Variants in LRIG1 observed in about 807,000 individuals in gnomAD.
LRIG1 encodes leucine-rich repeats and immunoglobulin-like domains protein 1.
A neutral mutation model predicts 99.2 loss-of-function variants in LRIG1; 48 were observed. The ratio of observed to expected loss-of-function variants is 0.48; its 90% CI spans 0.38 to 0.62. The LOEUF (loss-of-function observed/expected upper bound fraction) is 0.62, where lower values mean the gene tolerates loss of function less well. Ranked by LOEUF, LRIG1 falls within the 20% of genes least tolerant of loss-of-function variation. LRIG1 has a pLI of 0.00. For synonymous variants in LRIG1, 772 were observed against 596.1 expected (o/e 1.29, Z -4.30); for missense variants, 1,646 against 1,434.4 (o/e 1.15, Z -2.38).
intron 3 of LRIG1, among the ~76,000 whole-genome samples, chr3:66,445,357 C>G (rs112636033): frequency 1.3e-5 from 2 of 151,846 alleles, no homozygotes; most frequent in Non-Finnish European, 2.9e-5. Flanking sequence ...GGTTGCTACG[C>G]GGGGGAAGCC....
intron 5 of LRIG1, among the ~76,000 whole-genome samples, chr3:66,414,360 G>A (rs903242346): frequency 2.0e-5 from 3 of 151,814 alleles, no homozygotes. Context: ...TCACACCACT[G>A]CACCCCACCT....
intron 3 of LRIG1, among the ~76,000 whole-genome samples, chr3:66,448,514 G>A (rs746278367): frequency 2.6e-5 from 4 of 151,624 alleles, no homozygotes; most frequent in Non-Finnish European, 5.9e-5. Context: ...CTCAACTTTC[G>A]GGTCACAAAG....
chr3:66,484,044 T>C (rs891927737), intron 1 of LRIG1, among the ~76,000 whole-genome samples: 1 of 152,284 alleles, frequency 6.6e-6, no homozygotes, highest in East Asian at 1.9e-4. Context: ...CAGCCTGTCA[T>C]CTTTTCAACT....
At chr3:66,478,684 C>T (rs1165855519) in intron 1 of LRIG1, among the ~76,000 whole-genome samples, 1 of 152,126 alleles carries the variant, frequency 6.6e-6, no homozygotes. Flanking sequence ...CAGTTCAGCC[C>T]GCTGACCATC....
chr3:66,412,581 A>AG (rs1320721832), intron 6 of LRIG1, among the ~76,000 whole-genome samples: 4 of 152,224 alleles, frequency 2.6e-5, no homozygotes, highest in African/African-American at 9.6e-5. Context: ...TGCAAAGGGA[A>AG]GGGGGCTGGG....
chr3:66,472,595 T>C (rs1167357482), intron 1 of LRIG1, among the ~76,000 whole-genome samples: 3 of 152,148 alleles, frequency 2.0e-5, no homozygotes, highest in African/African-American at 4.8e-5. Flanking sequence ...CACAGGCCCA[T>C]AAAATTGCTC....
At chr3:66,459,188 G>A (rs887354535) in intron 2 of LRIG1, among the ~76,000 whole-genome samples, 1 of 152,178 alleles carries the variant, frequency 6.6e-6, no homozygotes, top group African/African-American at 2.4e-5. Flanking sequence ...AAAGGTGGGA[G>A]TGCTCAGTTC....
chr3:66,385,966 A>G lies in LRIG1; in HGVS notation c.1789+15T>C, dbSNP rs1701352106. 1 of 1,607,400 alleles carries G rather than the reference A, an allele frequency of 6.2e-7. No homozygotes were observed. The highest frequency in any genetic ancestry group is 1.3e-5 in the African/African-American group (1 of 74,788). ...GTAGGATTCTGGTACTATAACAAAGATGGTGTTTCCATACCATTCACGGTG... is the reference window on the plus strand; with the variant it reads ...GTAGGATTCTGGTACTATAACAAAGGTGGTGTTTCCATACCATTCACGGTG... On this transcript the variant is annotated intron_variant, in intron 13 of 18. Transcript: ENST00000273261.
chr3:66,451,358 G>A (rs564300039), intron 3 of LRIG1, among the ~76,000 whole-genome samples: 1 of 151,652 alleles, frequency 6.6e-6, no homozygotes, highest in African/African-American at 2.4e-5. Flanking sequence ...TAAAGATGAG[G>A]TAAAACTTCC....
intron 1 of LRIG1, among the ~76,000 whole-genome samples, chr3:66,493,935 AAAAAG>A (rs1701167643): frequency 6.6e-6 from 1 of 151,396 alleles, no homozygotes; most frequent in African/African-American, 2.4e-5. Flanking sequence ...AAGAAAAAAG[AAAAAG>A]AAAACAGAGA....
intron 3 of LRIG1, among the ~76,000 whole-genome samples, chr3:66,442,448 G>GGGAGGAGGAGGA (rs138317719): frequency 6.6e-6 from 1 of 151,550 alleles, no homozygotes; most frequent in Non-Finnish European, 1.5e-5. Context: ...AGTGAGGAGG[G>GGGAGGAGGAGGA]GGAGGAGGAG....
intron 17 of LRIG1, 75 bp downstream of exon 17, chr3:66,381,404 C>G (rs1701054569): frequency 2.1e-6 from 3 of 1,461,744 alleles, no homozygotes; most frequent in East Asian, 2.3e-5. Context: ...GTGTCTCCCC[C>G]TTTGATGTAG....
At chr3:66,458,074 T>C (rs754448477) in intron 2 of LRIG1, among the ~76,000 whole-genome samples, 1 of 152,260 alleles carries the variant, frequency 6.6e-6, no homozygotes, top group Non-Finnish European at 1.5e-5. Context: ...AGTTTAACTT[T>C]TCTAAGTATC....
chr3:66,402,766 T>G (rs960694398), intron 9 of LRIG1, among the ~76,000 whole-genome samples: 4 of 152,110 alleles, frequency 2.6e-5, no homozygotes, highest in Admixed American at 1.3e-4. Flanking sequence ...GCACCCCACT[T>G]CTCAGTGGAT....
chr3:66,498,576 A>C (rs1324749340), intron 1 of LRIG1, among the ~76,000 whole-genome samples: 1 of 152,018 alleles, frequency 6.6e-6, no homozygotes, highest in Non-Finnish European at 1.5e-5. Flanking sequence ...AAAAAAAAAA[A>C]AAAAACTACC....
intron 1 of LRIG1, among the ~76,000 whole-genome samples, chr3:66,486,792 A>C (rs994220090): frequency 5.9e-5 from 9 of 152,298 alleles, no homozygotes; most frequent in South Asian, 2.1e-4. Context: ...TCTGACTAGA[A>C]TTTTCCAACT....
chr3:66,399,862 G>A (rs1308773172), intron 9 of LRIG1, among the ~76,000 whole-genome samples: 1 of 152,230 alleles, frequency 6.6e-6, no homozygotes, highest in Admixed American at 6.5e-5. Context: ...GAAGAGGACA[G>A]TAAAATAGGC....
chr3:66,466,040 AT>A (rs925042001), intron 1 of LRIG1, among the ~76,000 whole-genome samples: 5 of 152,014 alleles, frequency 3.3e-5, no homozygotes, highest in African/African-American at 7.2e-5. Flanking sequence ...TCAGAATTTC[AT>A]TTTTTTTAGA....
At chr3:66,476,054 C>T (rs545342046) in intron 1 of LRIG1, among the ~76,000 whole-genome samples, 20 of 152,296 alleles carry the variant, frequency 1.3e-4, no homozygotes, top group African/African-American at 4.8e-4. Flanking sequence ...GGGAATAAAG[C>T]GTACAATGTA....
Sources: gnomAD v4.1 joint callset for allele counts (sites outside exome capture counted in the v4.1 genomes callset) on GRCh38, gnomAD v4.1.1 for gene constraint, MANE v1.5 for transcripts, NCBI Gene and HGNC (gene_info 2026-07-23, HGNC 2026-07-21) for gene names.